Variants in GLT8D2 observed in about 807,000 individuals in gnomAD.
The protein encoded by GLT8D2 is glycosyltransferase 8 domain containing 2.
In GLT8D2, 45 loss-of-function variants were observed where a neutral mutation model predicts 44.5. The ratio of observed to expected loss-of-function variants is 1.01; its 90% CI spans 0.80 to 1.30. The LOEUF (loss-of-function observed/expected upper bound fraction) is 1.30, where lower values mean the gene tolerates loss of function less well. GLT8D2 is among the 50% of genes most tolerant of loss of function. The pLI is 0.00. For synonymous variants in GLT8D2, 156 were observed against 157.2 expected, an observed-to-expected ratio of 0.99 and a Z score of 0.06; for missense variants, 400 against 430.4, an observed-to-expected ratio of 0.93 and a Z score of 0.62.
intron 5 of GLT8D2, 128 bp downstream of exon 5, chr12:104,003,007 A>G (rs1272964388): frequency 1.5e-6 from 1 of 670,210 alleles, no homozygotes; most frequent in African/African-American, 1.8e-5. Flanking sequence ...AGAGAGGGAG[A>G]GAAAGAGAGA....
chr12:104,046,059 T>C (rs1304175626), intron 1 of GLT8D2, among the ~76,000 whole-genome samples: 1 of 151,950 alleles, frequency 6.6e-6, no homozygotes, highest in African/African-American at 2.4e-5. Context: ...AAAAGCAAGA[T>C]AAAAGAGGGG....
Position 104,021,921 on chromosome 12 carries a change from GAAGAAGAAGAAGAAGAAGAA to G in GLT8D2, c.-163-450_-163-431del, listed in dbSNP as rs1877768524. Among the ~76,000 whole-genome samples, 38 of 28,896 alleles carry G rather than the reference GAAGAAGAAGAAGAAGAAGAA, an allele frequency of 1.3e-3. 3 individuals carry two copies. Among genetic ancestry groups the G allele is most frequent in the African/African-American group, 3.1e-3 (21 of 6,708 alleles). 19.0% of individuals were successfully genotyped at this position (28,896 alleles called of 152,430 possible). A position where few individuals can be genotyped will look rare whatever the true frequency, so the allele number is the denominator to read the frequency against. On this transcript the variant is annotated intron_variant, in intron 1 of 10. Coordinates refer to ENST00000360814, the MANE Select transcript of GLT8D2 (RefSeq NM_001384711.1). ...AGAAGAAGAAGAAGAAGAAGAAGAA[GAAGAAGAAGAAGAAGAAGAA>G]GAAGAAGAAGAAGAGGAAGAAGAGG...
intron 1 of GLT8D2, among the ~76,000 whole-genome samples, chr12:104,041,550 T>C (rs953497912): frequency 6.6e-6 from 1 of 152,202 alleles, no homozygotes; most frequent in Non-Finnish European, 1.5e-5. Flanking sequence ...CACTCCAGCC[T>C]GGGTGACAAA....
intron 1 of GLT8D2, chr12:104,029,562 G>C (rs1359895284): frequency 6.6e-6 from 1 of 152,088 alleles, no homozygotes; most frequent in Admixed American, 6.5e-5. Context: ...TAAATTGGTT[G>C]AGCCATTATA....
At position 103,997,437 on chromosome 12, in the gene GLT8D2, G is replaced by A; in HGVS notation, c.487+14C>T. The A allele has an allele frequency of 7.6e-6, 12 of 1,580,782 alleles. No individual in the cohort carries two copies. Among genetic ancestry groups the A allele is most frequent in the African/African-American group, 2.7e-5 (2 of 74,420 alleles). On this transcript the variant is annotated intron_variant, in intron 7 of 10. Coordinates refer to ENST00000360814, the MANE Select transcript of GLT8D2 (RefSeq NM_001384711.1). ...GCTTCTTTTCCAAGTGTTCTTGGCA[G>A]TTAGCGAGAGTACCTTGTACAATTA...
At chr12:104,034,135 C>T (rs1879663796) in intron 1 of GLT8D2, among the ~76,000 whole-genome samples, 1 of 152,184 alleles carries the variant, frequency 6.6e-6, no homozygotes, top group Non-Finnish European at 1.5e-5. Flanking sequence ...CAAGAACATG[C>T]TTACTTCCTT....
intron 4 of GLT8D2, among the ~76,000 whole-genome samples, chr12:104,013,505 A>G (rs910736287): frequency 1.3e-5 from 2 of 152,254 alleles, no homozygotes; most frequent in Admixed American, 6.5e-5. Flanking sequence ...ATTATACCCT[A>G]AGAACATTTG....
At chr12:103,992,532 G>A (rs567603142) in intron 10 of GLT8D2, among the ~76,000 whole-genome samples, 45 of 139,002 alleles carry the variant, frequency 3.2e-4, no homozygotes, top group Non-Finnish European at 4.8e-4. Context: ...CGGTCCTGTC[G>A]CCCAGGCTGG....
At chr12:104,006,201 G>A (rs1593536461) in intron 4 of GLT8D2, among the ~76,000 whole-genome samples, 1 of 145,146 alleles carries the variant, frequency 6.9e-6, no homozygotes, top group East Asian at 2.1e-4. Context: ...CTTGGACACA[G>A]GAAGGGGAAC....
At chr12:104,032,466 C>CAAA (rs547392677) in intron 1 of GLT8D2, among the ~76,000 whole-genome samples, 2,857 of 59,442 alleles carry the variant, frequency 0.048, 132 homozygotes, top group East Asian at 0.083. Context: ...TGTGCAATAG[C>CAAA]AAAAAAAAAA....
rs760151898 is a variant in GLT8D2 at position 103,997,470 on chromosome 12, G to A, written c.468C>T (p.Asp156=). The A allele has an allele frequency of 2.2e-5, 35 of 1,612,738 alleles. No individual in the cohort carries two copies. The South Asian group carries it at 2.4e-4, about 11-fold the overall frequency. ...GAGTACCTTGTACAATTACATCATC[G>A]TCCAAATAGATGACTTTCTCGTGTT... ...IHQHEKVIYL[D]DDVIVQGDIQ... The change falls in exon 7 of 11, where the codon GAC becomes GAT. Residue 156 remains aspartate, a synonymous_variant. Coordinates refer to ENST00000360814, the MANE Select transcript of GLT8D2 (RefSeq NM_001384711.1).
At chr12:104,058,010 G>A (rs568068085) in intron 1 of GLT8D2, among the ~76,000 whole-genome samples, 4 of 152,270 alleles carry the variant, frequency 2.6e-5, no homozygotes, top group African/African-American at 9.6e-5. Context: ...CCTACAGTGT[G>A]GTGCTGCTGA....
chr12:103,990,398 T>G (rs1401105948), intron 10 of GLT8D2, among the ~76,000 whole-genome samples: 1 of 152,072 alleles, frequency 6.6e-6, no homozygotes, highest in African/African-American at 2.4e-5. Context: ...TGAACATTAC[T>G]CCCCTCATAA....
intron 1 of GLT8D2, among the ~76,000 whole-genome samples, chr12:104,037,415 A>T (rs950601153): frequency 6.6e-6 from 1 of 152,242 alleles, no homozygotes; most frequent in Non-Finnish European, 1.5e-5. Flanking sequence ...ACTGCTAGCA[A>T]GAATAATAAA....
intron 3 of GLT8D2, among the ~76,000 whole-genome samples, chr12:104,016,200 T>C (rs1025261365): frequency 5.3e-5 from 8 of 152,234 alleles, no homozygotes; most frequent in Admixed American, 1.3e-4. Flanking sequence ...CCATTTAGTA[T>C]GATACTAGCT....
At position 103,989,173 on chromosome 12, in the gene GLT8D2, CTTCCT is replaced by C; in HGVS notation, c.*230_*234del. ...TGATTGCTGTTATCTAGATGGGTCT[CTTCCT>C]TTATGTTTTTCAGTCACATAATCTT... is the stretch of plus-strand genomic sequence containing the variant. On this transcript the variant is annotated 3_prime_UTR_variant, in exon 11 of 11. Coordinates refer to ENST00000360814, the MANE Select transcript of GLT8D2 (RefSeq NM_001384711.1). 2.8e-6 allele frequency: 1 copy of C among 351,034 alleles called. No homozygotes were observed. 21.7% of individuals were successfully genotyped at this position (351,034 alleles called of 1,614,324 possible).
At chr12:103,992,491 C>CTTTTTTTTTT (rs1232659471) in intron 10 of GLT8D2, among the ~76,000 whole-genome samples, 1 of 129,984 alleles carries the variant, frequency 7.7e-6, no homozygotes. Context: ...CTCTCTCTCT[C>CTTTTTTTTTT]TTTTTTTTTT....
chr12:104,062,260 G>A (rs1465580250), intron 1 of GLT8D2, among the ~76,000 whole-genome samples: 2 of 152,012 alleles, frequency 1.3e-5, no homozygotes, highest in Non-Finnish European at 2.9e-5. Context: ...TTTTGGTAGA[G>A]ATGGGTTTCA....
chr12:104,015,661 A>G (rs1876483091), intron 3 of GLT8D2, among the ~76,000 whole-genome samples: 1 of 152,166 alleles, frequency 6.6e-6, no homozygotes, highest in Non-Finnish European at 1.5e-5. Context: ...GAATTTGTAT[A>G]TCAGTTCTAA....
Sources: allele counts gnomAD v4.1 joint callset (sites outside exome capture counted in the v4.1 genomes callset), GRCh38; gene constraint gnomAD v4.1.1; transcripts MANE v1.5; gene names NCBI Gene and HGNC (gene_info 2026-07-23, HGNC 2026-07-21).